ADCY8: variants seen among roughly 807,000 people sequenced by gnomAD.
ADCY8 encodes the protein adenylate cyclase 8.
ADCY8 carries 51 observed loss-of-function variants against 119.7 expected under a neutral mutation model. That is an observed-to-expected ratio of 0.43 (90% confidence interval 0.34 to 0.54). The LOEUF (loss-of-function observed/expected upper bound fraction) is 0.54, where lower values mean the gene tolerates loss of function less well. ADCY8 is among the 20% of genes least tolerant of loss of function. The pLI, the probability that ADCY8 is intolerant of heterozygous loss-of-function variation, is 0.03. For synonymous variants in ADCY8, 665 were observed against 651.0 expected, an observed-to-expected ratio of 1.02 and a Z score of -0.33; for missense variants, 1,383 against 1,598.8, an observed-to-expected ratio of 0.87 and a Z score of 2.30.
chr8:130,901,929 A>G (rs984856713), intron 7 of ADCY8, among the ~76,000 whole-genome samples: 1 of 152,194 alleles, frequency 6.6e-6, no homozygotes, highest in Non-Finnish European at 1.5e-5. Context: ...ACATCAGGAA[A>G]TATCTTTAGG....
At chr8:130,971,385 A>G (rs1821918056) in intron 2 of ADCY8, among the ~76,000 whole-genome samples, 1 of 152,152 alleles carries the variant, frequency 6.6e-6, no homozygotes, top group African/African-American at 2.4e-5. Context: ...TAGAGAACCC[A>G]ATGTTATTTG....
Position 130,909,842 on chromosome 8 carries a change from G to A in ADCY8, c.1506C>T (p.His502=), listed in dbSNP as rs1341683970. The change falls in exon 6 of 18, where the codon CAC becomes CAT. Residue 502 remains histidine (H), a synonymous_variant. Coordinates refer to ENST00000286355, the MANE Select transcript of ADCY8 (RefSeq NM_001115.3). The part of the protein sequence containing the change: ...TIRYVRSRTK[H]DVDMRIGIHS... The stretch of plus-strand genomic sequence containing the variant: ...GGATTCCAATCCTCATGTCAACATC[G>A]TGTTTTGTCCTTGACCGCACATACC... The A allele has an allele frequency of 1.1e-5, 17 of 1,613,904 alleles. No homozygotes were observed. The highest frequency in any genetic ancestry group is 1.3e-5 in the African/African-American group (1 of 74,856).
intron 1 of ADCY8, among the ~76,000 whole-genome samples, chr8:131,002,859 A>G (rs1378542828): frequency 6.6e-6 from 1 of 152,186 alleles, no homozygotes; most frequent in African/African-American, 2.4e-5. Flanking sequence ...TTTGAAAAAT[A>G]GAATGAAAAG....
chr8:130,993,456 C>T (rs1822665966), intron 1 of ADCY8, among the ~76,000 whole-genome samples: 1 of 152,126 alleles, frequency 6.6e-6, no homozygotes, highest in South Asian at 2.1e-4. Flanking sequence ...TGATTAACAA[C>T]CGTGAAATGA....
chr8:130,883,014 G>C (rs1285772272), intron 8 of ADCY8, among the ~76,000 whole-genome samples: 2 of 151,990 alleles, frequency 1.3e-5, no homozygotes, highest in Non-Finnish European at 2.9e-5. Flanking sequence ...GTTTGTTCAG[G>C]GTGCTGTACT....
chr8:130,857,414 C>T (rs912278591), intron 9 of ADCY8, among the ~76,000 whole-genome samples: 4 of 152,040 alleles, frequency 2.6e-5, no homozygotes, highest in African/African-American at 9.7e-5. Context: ...TCTGATTTGT[C>T]TTTTAAATCT....
chr8:130,931,228 T>C (rs1015289648), intron 5 of ADCY8, among the ~76,000 whole-genome samples: 9 of 152,162 alleles, frequency 5.9e-5, no homozygotes, highest in Non-Finnish European at 1.0e-4. Flanking sequence ...TCTGGCAGGT[T>C]TCTCATTTCC....
intron 8 of ADCY8, among the ~76,000 whole-genome samples, chr8:130,869,184 G>A (rs2130395688): frequency 6.6e-6 from 1 of 152,272 alleles, no homozygotes; most frequent in South Asian, 2.1e-4. Context: ...CTACTCTCCA[G>A]TATTGAGGCC....
chr8:130,825,021 T>C (rs924494278), intron 12 of ADCY8, among the ~76,000 whole-genome samples: 1 of 152,226 alleles, frequency 6.6e-6, no homozygotes, highest in African/African-American at 2.4e-5. Context: ...AATCCTTTTG[T>C]GCATCCCAAA....
chr8:131,019,827 C>CTCTCTGTCTG (rs1563770547), intron 1 of ADCY8, among the ~76,000 whole-genome samples: 11 of 121,520 alleles, frequency 9.1e-5, no homozygotes, highest in Admixed American at 1.6e-4. Flanking sequence ...CTCTCTCTCT[C>CTCTCTGTCTG]TCTCTCTCTC....
At chr8:130,798,161 A>C (rs1759216768) in intron 15 of ADCY8, among the ~76,000 whole-genome samples, 1 of 152,222 alleles carries the variant, frequency 6.6e-6, no homozygotes, top group African/African-American at 2.4e-5. Flanking sequence ...AGAGATTAGT[A>C]ACATGGGTTT....
intron 2 of ADCY8, among the ~76,000 whole-genome samples, chr8:130,983,349 C>T (rs1191162289): frequency 6.6e-6 from 1 of 152,114 alleles, no homozygotes; most frequent in African/African-American, 2.4e-5. Context: ...CTCTGTCCTC[C>T]CACACTCTAG....
chr8:130,957,546 G>A (rs753725008), intron 2 of ADCY8, among the ~76,000 whole-genome samples: 10 of 152,300 alleles, frequency 6.6e-5, no homozygotes, highest in East Asian at 1.9e-4. Flanking sequence ...CATAAGTAAC[G>A]AGGAGCTGAA....
At chr8:131,015,295 T>C (rs1018662584) in intron 1 of ADCY8, among the ~76,000 whole-genome samples, 4 of 152,208 alleles carry the variant, frequency 2.6e-5, no homozygotes, top group African/African-American at 9.6e-5. Context: ...ATAAAGCTGA[T>C]TAAAAGGAGA....
chr8:131,027,875 C>T (rs1489242499), intron 1 of ADCY8, among the ~76,000 whole-genome samples: 2 of 152,162 alleles, frequency 1.3e-5, no homozygotes, highest in Non-Finnish European at 2.9e-5. Context: ...AATTGAAAAA[C>T]AAGACCTGGA....
At chr8:130,881,326 A>G (rs1335976703) in intron 8 of ADCY8, among the ~76,000 whole-genome samples, 1 of 152,192 alleles carries the variant, frequency 6.6e-6, no homozygotes, top group Non-Finnish European at 1.5e-5. Flanking sequence ...GCCAATTATT[A>G]TAGGCAAACG....
chr8:131,024,185 G>A lies in ADCY8; in HGVS notation c.960+15189C>T, dbSNP rs532042631. Among the ~76,000 whole-genome samples, 169 of 152,262 alleles carry A rather than the reference G, an allele frequency of 1.1e-3. 1 individual carries two copies. Among genetic ancestry groups the A allele is most frequent in the Middle Eastern group, 6.8e-3 (2 of 294 alleles). ...TGGAGTCACCTTGTGGACCACTGTC[G>A]CGTGTTTGGCAGTTTCACGCCAATG... On this transcript the variant is annotated intron_variant, in intron 1 of 17. Coordinates refer to ENST00000286355, the MANE Select transcript of ADCY8 (RefSeq NM_001115.3).
chr8:131,008,848 G>A (rs1823207554), intron 1 of ADCY8, among the ~76,000 whole-genome samples: 1 of 152,174 alleles, frequency 6.6e-6, no homozygotes, highest in Non-Finnish European at 1.5e-5. Flanking sequence ...AGATGTAGAT[G>A]AGAAACATCT....
intron 2 of ADCY8, among the ~76,000 whole-genome samples, chr8:130,977,302 G>A (rs917341145): frequency 6.6e-6 from 1 of 152,082 alleles, no homozygotes; most frequent in Non-Finnish European, 1.5e-5. Flanking sequence ...ACTTATACTC[G>A]AAAAACAGAA....
Sources: allele counts gnomAD v4.1 joint callset (sites outside exome capture counted in the v4.1 genomes callset), GRCh38; gene constraint gnomAD v4.1.1; transcripts MANE v1.5; gene names NCBI Gene and HGNC (gene_info 2026-07-23, HGNC 2026-07-21).